Variants in CCNJ observed in about 807,000 individuals in gnomAD.
CCNJ encodes the protein cyclin-J.
A neutral mutation model predicts 41.4 loss-of-function variants in CCNJ; 12 were observed. The ratio of observed to expected loss-of-function variants is 0.29; its 90% CI spans 0.19 to 0.47. The LOEUF (loss-of-function observed/expected upper bound fraction) is 0.47, where lower values mean the gene tolerates loss of function less well. Ranked by LOEUF, CCNJ falls within the 20% of genes least tolerant of loss-of-function variation. The pLI, the probability that CCNJ is intolerant of heterozygous loss-of-function variation, is 1.00. For missense variants in CCNJ, 340 were observed against 464.6 expected, an observed-to-expected ratio of 0.73 and a Z score of 2.47; for synonymous variants, 161 against 173.4, an observed-to-expected ratio of 0.93 and a Z score of 0.56.
At chr10:96,043,565 G>A (rs1358109557), upstream of CCNJ, 8 of 394,874 alleles carry the variant, frequency 2.0e-5, no homozygotes, top group East Asian at 2.9e-4. Flanking sequence ...TGTATGCGGA[G>A]CCGCCTGCCG....
chr10:96,047,233 A>G (rs1200136915), intron 2 of CCNJ, among the ~76,000 whole-genome samples: 1 of 152,204 alleles, frequency 6.6e-6, no homozygotes, highest in Non-Finnish European at 1.5e-5. Context: ...ACATGGTGGC[A>G]GCAAAGGTAA....
upstream of CCNJ, chr10:96,043,465 C>T (rs1461796950): frequency 2.1e-5 from 8 of 384,764 alleles, no homozygotes; most frequent in Non-Finnish European, 3.7e-5. Context: ...GGGCCCGGCC[C>T]GGCCGCCAAT....
At chr10:96,052,431 T>C (rs953387514) in intron 3 of CCNJ, among the ~76,000 whole-genome samples, 4 of 152,230 alleles carry the variant, frequency 2.6e-5, no homozygotes, top group Non-Finnish European at 5.9e-5. Flanking sequence ...AGTAACTGTG[T>C]GGCTATCACT....
In CCNJ at chr10:96,059,426, C is replaced by T. The variant is rs2080772150; in HGVS notation, c.*1185C>T. ...AGCTACTTTCATTGGATTGACCCTA[C>T]AACTGCCCTGGGACATTTCACTGTA... On this transcript the variant is annotated 3_prime_UTR_variant, in exon 6 of 6. Coordinates refer to ENST00000465148, the MANE Select transcript of CCNJ (RefSeq NM_001134375.2). 2 of 152,628 alleles carry T rather than the reference C, an allele frequency of 1.3e-5. No homozygotes were observed. The highest frequency in any genetic ancestry group is 4.1e-4 in the South Asian group (2 of 4,834). The allele number at this position is 152,628 out of a possible 1,614,324, so 9.5% of individuals were successfully genotyped here. A position where few individuals can be genotyped will look rare whatever the true frequency, so the allele number is the denominator to read the frequency against.
At chr10:96,054,503 T>G (rs1037193494) in intron 3 of CCNJ, among the ~76,000 whole-genome samples, 8 of 152,202 alleles carry the variant, frequency 5.3e-5, no homozygotes, top group African/African-American at 1.9e-4. Context: ...CAGAATCAGA[T>G]TATTCTTAAC....
intron 3 of CCNJ, among the ~76,000 whole-genome samples, chr10:96,055,775 A>G (rs1012458700): frequency 1.3e-5 from 2 of 152,248 alleles, no homozygotes; most frequent in African/African-American, 2.4e-5. Flanking sequence ...ATTTAAAAGC[A>G]GATATAAACT....
In CCNJ at chr10:96,060,655, A is replaced by T. The variant is rs2080795625; in HGVS notation, c.*2414A>T. 6.8e-6 allele frequency: 1 copy of T among 147,152 alleles called. No individual in the cohort carries two copies. 9.1% of individuals were successfully genotyped at this position (147,152 alleles called of 1,614,324 possible). On this transcript the variant is annotated 3_prime_UTR_variant, in exon 6 of 6. Coordinates refer to ENST00000465148, the MANE Select transcript of CCNJ (RefSeq NM_001134375.2). The stretch of plus-strand genomic sequence containing the variant: ...TTTTTTTTTTTTTTGAGAATACTGG[A>T]CCATCATTAAATGTGTACTGTGAAG...
chr10:96,054,747 G>A (rs768523053), intron 3 of CCNJ, among the ~76,000 whole-genome samples: 2 of 152,102 alleles, frequency 1.3e-5, no homozygotes, highest in Non-Finnish European at 2.9e-5. Flanking sequence ...AGTGAAATTG[G>A]TCATATGCAA....
chr10:96,043,915 A>G (rs934359616), intron 1 of CCNJ, among the ~76,000 whole-genome samples, 196 bp downstream of exon 1: 6 of 152,172 alleles, frequency 3.9e-5, no homozygotes, highest in Non-Finnish European at 8.8e-5. Context: ...ACCCGCGGCC[A>G]GGCAGACGCT....
upstream of CCNJ, chr10:96,043,354 C>A (rs977341064): frequency 5.9e-6 from 2 of 339,300 alleles, no homozygotes; most frequent in Non-Finnish European, 1.1e-5. Flanking sequence ...CTGAGCGCCC[C>A]GGCAACCGAA....
At chr10:96,048,929 A>G (rs1382420567) in intron 2 of CCNJ, among the ~76,000 whole-genome samples, 1 of 152,146 alleles carries the variant, frequency 6.6e-6, no homozygotes, top group Non-Finnish European at 1.5e-5. Flanking sequence ...TCTTTTGAGT[A>G]TGTACCTAAA....
chr10:96,057,985 T>C lies in CCNJ; in HGVS notation c.896T>C (p.Leu299Pro). ...QYLHQTHQTSLQYRHPTSEQP... is the reference protein window; with the variant it reads ...QYLHQTHQTSPQYRHPTSEQP... ...CTCCATCAGACACATCAGACCTCAC[T>C]GCAGTATCGCCATCCTACGTCAGAA... The change falls in exon 6 of 6, where the codon CTG becomes CCG. Residue 299 changes from leucine (L) to proline (P), a missense_variant. Around this residue, in one of 3 missense-constraint regions of CCNJ, gnomAD observed 159 missense variants for 168.2 expected, o/e 0.95. Transcript: ENST00000465148. The C allele has an allele frequency of 6.8e-6, 11 of 1,614,174 alleles. No homozygotes were observed. The highest frequency in any genetic ancestry group is 9.3e-6 in the Non-Finnish European group (11 of 1,180,026).
chr10:96,048,530 A>G (rs189475413), intron 2 of CCNJ, among the ~76,000 whole-genome samples: 8 of 152,234 alleles, frequency 5.3e-5, no homozygotes, highest in Admixed American at 3.9e-4. Flanking sequence ...TGTCACCACT[A>G]TCTATCTTTA....
In CCNJ at chr10:96,057,213, G is replaced by A. The variant is rs147948767; in HGVS notation, c.706G>A (p.Asp236Asn). 25 of 1,614,070 alleles carry A rather than the reference G, an allele frequency of 1.5e-5. No homozygotes were observed. In the African/African-American group the frequency reaches 3.1e-4, roughly 20 times the overall value. Residue 236 changes from aspartate (D) to asparagine (N), a missense_variant, in exon 5 of 6, where the codon GAT becomes AAT. By Grantham distance (23) the Asp-to-Asn change is conservative. Transcript: ENST00000465148. ...ACATCGTCTTACTGCCTACTCTTGGGATTTCTTAGTGCAGTGTATTGAACG... is the reference window on the plus strand; with the variant it reads ...ACATCGTCTTACTGCCTACTCTTGGAATTTCTTAGTGCAGTGTATTGAACG... ...RLHRLTAYSW[D>N]FLVQCIERLL...
chr10:96,058,437 A>G lies in CCNJ; in HGVS notation c.*196A>G, dbSNP rs887758205. The G allele has an allele frequency of 5.5e-6, 3 of 548,330 alleles. No individual in the cohort carries two copies. The African/African-American group carries it at 5.6e-5, about 10-fold the overall frequency. The allele number at this position is 548,330 out of a possible 1,614,324, so 34.0% of individuals were successfully genotyped here. ...GACTAAGCAAATTAACAGTATGTCA[A>G]ATTCTGTTACAACAAATCCCTGTAT... is the stretch of plus-strand genomic sequence containing the variant. On this transcript the variant is annotated 3_prime_UTR_variant, in exon 6 of 6. Coordinates refer to ENST00000465148, the MANE Select transcript of CCNJ (RefSeq NM_001134375.2).
chr10:96,057,825 T>C lies in CCNJ; in HGVS notation c.741-5T>C. ...TTAATAGTTTCCTTTCTCTCCACGT[T>C]TCAGCGCTCATGATAATGATGTGAA... On this transcript the variant is annotated splice_region_variant and splice_polypyrimidine_tract_variant and intron_variant, in intron 5 of 5. Transcript: ENST00000465148. The C allele has an allele frequency of 1.2e-6, 2 of 1,611,804 alleles. No homozygotes were observed. The highest frequency in any genetic ancestry group is 4.5e-5 in the East Asian group (2 of 44,824).
intron 2 of CCNJ, among the ~76,000 whole-genome samples, chr10:96,048,971 T>C (rs1276277704): frequency 2.6e-5 from 4 of 152,194 alleles, no homozygotes. Context: ...GGTAACTCTG[T>C]TTAATTTATT....
intron 3 of CCNJ, among the ~76,000 whole-genome samples, chr10:96,053,156 C>T (rs1184852264): frequency 1.3e-5 from 2 of 152,142 alleles, no homozygotes; most frequent in Admixed American, 6.5e-5. Flanking sequence ...ATGCTTATGT[C>T]TACACTATTA....
In CCNJ at chr10:96,044,080, T is replaced by G. The variant is rs535227914; in HGVS notation, c.-41-273T>G. ...AGCTCTTCCCGAGCTCGCACCTGGCTCCGCGCTTTGGCAACTCAGGGCCCG... is the reference window on the plus strand; with the variant it reads ...AGCTCTTCCCGAGCTCGCACCTGGCGCCGCGCTTTGGCAACTCAGGGCCCG... On this transcript the variant is annotated intron_variant, in intron 1 of 5. Transcript: ENST00000465148. 3.9e-5 allele frequency among the ~76,000 whole-genome samples: 6 copies of G among 152,286 alleles called. No homozygotes were observed. The East Asian group carries it at 1.2e-3, about 30-fold the overall frequency.
Sources: gnomAD v4.1 joint callset for allele counts (sites outside exome capture counted in the v4.1 genomes callset) on GRCh38, gnomAD v4.1.1 for gene constraint, gnomAD v4.1.1 regional missense constraint, MANE v1.5 for transcripts, NCBI Gene and HGNC (gene_info 2026-07-23, HGNC 2026-07-21) for gene names.